SNX31: variants seen among roughly 807,000 people sequenced by gnomAD.
The protein encoded by SNX31 is sorting nexin 31.
A neutral mutation model predicts 65.4 loss-of-function variants in SNX31; 58 were observed. The ratio of observed to expected loss-of-function variants is 0.89; its 90% CI spans 0.72 to 1.10. SNX31 has a LOEUF of 1.10. Ranked by LOEUF, SNX31 falls within the 50% of genes least tolerant of loss-of-function variation. The pLI is 0.00. For synonymous variants in SNX31, 181 were observed against 190.1 expected (o/e 0.95, Z 0.39); for missense variants, 523 against 529.7 (o/e 0.99, Z 0.12).
upstream of SNX31, among the ~76,000 whole-genome samples, chr8:100,653,650 C>T (rs77304920): frequency 0.017 from 2,527 of 152,330 alleles, 59 homozygotes; most frequent in East Asian, 0.097. Context: ...TTCAGACTTC[C>T]AGCCTCCAGA....
chr8:100,653,672 A>G (rs1257897033), upstream of SNX31, among the ~76,000 whole-genome samples: 1 of 152,190 alleles, frequency 6.6e-6, no homozygotes, highest in Non-Finnish European at 1.5e-5. Flanking sequence ...CTATGAGAGA[A>G]TTCATTTCTG....
intron 9 of SNX31, among the ~76,000 whole-genome samples, chr8:100,599,229 T>C (rs754312560): frequency 5.9e-5 from 9 of 152,202 alleles, no homozygotes; most frequent in Non-Finnish European, 1.2e-4. Context: ...TCATAGAAGA[T>C]AAAATTTATT....
chr8:100,596,584 C>T, intron 10 of SNX31, 55 bp downstream of exon 10: 1 of 1,482,500 alleles, frequency 6.7e-7, no homozygotes, highest in East Asian at 2.3e-5. Flanking sequence ...ACTTTGTCAT[C>T]CAAGGGTACT....
At position 100,573,787 on chromosome 8, in the gene SNX31, G is replaced by A. The variant is rs1812804465; in HGVS notation, c.*78C>T. On this transcript the variant is annotated 3_prime_UTR_variant, in exon 14 of 14. Coordinates refer to ENST00000311812, the MANE Select transcript of SNX31 (RefSeq NM_152628.4). ...GTCAAATTTCCTCCACTGATGGTAG[G>A]TAGCCCACCTGAATCCCCAAGTTCT... 2.1e-6 allele frequency: 2 copies of A among 968,540 alleles called. No individual in the cohort carries two copies. Among genetic ancestry groups the A allele is most frequent in the Non-Finnish European group, 1.5e-6 (1 of 654,752 alleles). The allele number at this position is 968,540 out of a possible 1,614,324, so 60.0% of individuals were successfully genotyped here.
chr8:100,585,773 G>T (rs566169713), intron 11 of SNX31, among the ~76,000 whole-genome samples: 15 of 152,186 alleles, frequency 9.9e-5, no homozygotes, highest in Non-Finnish European at 2.1e-4. Context: ...GTTTAATAGG[G>T]TCCAATAAGA....
At chr8:100,650,646 T>C (rs932083435), upstream of SNX31, among the ~76,000 whole-genome samples, 3 of 152,160 alleles carry the variant, frequency 2.0e-5, no homozygotes, top group Admixed American at 6.5e-5. Flanking sequence ...ACATATGCTA[T>C]GCCATTTAAT....
intron 3 of SNX31, among the ~76,000 whole-genome samples, chr8:100,631,426 T>C (rs1818406321): frequency 6.7e-6 from 1 of 149,038 alleles, no homozygotes; most frequent in South Asian, 2.1e-4. Context: ...TCTGTTTTCA[T>C]TGCTGTTTTA....
At position 100,612,062 on chromosome 8, in the gene SNX31, T is replaced by C. The variant is rs745559874; in HGVS notation, c.549A>G (p.Glu183=). 1.2e-6 allele frequency: 2 copies of C among 1,613,654 alleles called. No individual in the cohort carries two copies. Among genetic ancestry groups the C allele is most frequent in the African/African-American group, 2.7e-5 (2 of 74,794 alleles). The change falls in exon 7 of 14, where the codon GAA becomes GAG. Residue 183 remains glutamate (E), a synonymous_variant. Coordinates refer to ENST00000311812, the MANE Select transcript of SNX31 (RefSeq NM_152628.4). This position sits in a 1 kb window ranked among gnomAD's most constrained non-coding sequence, Gnocchi z 4.3. Reference sequence around the variant, plus strand: ...AACTTCCAAGACTAACATAAGGGAGTTCAAAGTCAGCCAATTTTTTCACAA... The same window carrying C: ...AACTTCCAAGACTAACATAAGGGAGCTCAAAGTCAGCCAATTTTTTCACAA... ...LSVVKKLADF[E]LPYVSLGSSE...
rs541129667 is a variant in SNX31 at position 100,604,018 on chromosome 8, G to A, written c.682-3577C>T. On this transcript the variant is annotated intron_variant, in intron 8 of 13. Coordinates refer to ENST00000311812, the MANE Select transcript of SNX31 (RefSeq NM_152628.4). The surrounding 1 kb of genome is among the most constrained non-coding windows in gnomAD (Gnocchi z 4.3). ...CTCCCAAAGTGCTGGAATTACAGGC[G>A]TGAGCCACTGCGCCCAGCTTTATAT... is the stretch of plus-strand genomic sequence containing the variant. 1.4e-4 allele frequency among the ~76,000 whole-genome samples: 22 copies of A among 152,290 alleles called. No homozygotes were observed. The highest frequency in any genetic ancestry group is 2.8e-4 in the Non-Finnish European group (19 of 68,024).
rs35658911 is a variant in SNX31, at chr8:100,588,115, T to TAA, written c.1092+749_1092+750dup. Among the ~76,000 whole-genome samples, 67 of 150,840 alleles carry TAA rather than the reference T, an allele frequency of 4.4e-4. No individual in the cohort carries two copies. Among genetic ancestry groups the TAA allele is most frequent in the Non-Finnish European group, 6.2e-4 (42 of 67,632 alleles). On this transcript the variant is annotated intron_variant, in intron 11 of 13. Coordinates refer to ENST00000311812, the MANE Select transcript of SNX31 (RefSeq NM_152628.4). This position sits in a 1 kb window ranked among gnomAD's most constrained non-coding sequence, Gnocchi z 4.8. ...GTACTACAGGAAAAAGGTGAAACAT[T>TAA]AAAAAAAAACATAAAAAAGGTACAG...
Position 100,626,335 on chromosome 8 carries a change from A to C in SNX31, c.321+3992T>G, listed in dbSNP as rs1818040318. Reference sequence around the variant, plus strand: ...AATTGACCCAAGTCATATAAATCAAAAGTAGGGCAGCCAAAATTTGAACTG... The same window carrying C: ...AATTGACCCAAGTCATATAAATCAACAGTAGGGCAGCCAAAATTTGAACTG... On this transcript the variant is annotated intron_variant, in intron 4 of 13. Coordinates refer to ENST00000311812, the MANE Select transcript of SNX31 (RefSeq NM_152628.4). This position sits in a 1 kb window ranked among gnomAD's most constrained non-coding sequence, Gnocchi z 4.4. Among the ~76,000 whole-genome samples, 1 of 152,154 alleles carries C rather than the reference A, an allele frequency of 6.6e-6. No homozygotes were observed. Among genetic ancestry groups the C allele is most frequent in the Non-Finnish European group, 1.5e-5 (1 of 68,012 alleles).
chr8:100,642,346 C>CGTAAAT (rs146768503), intron 2 of SNX31, among the ~76,000 whole-genome samples: 12,748 of 152,218 alleles, frequency 0.084, 586 homozygotes, highest in Non-Finnish European at 0.097. Flanking sequence ...GGCATGTGTT[C>CGTAAAT]GTAAATGTCG....
At chr8:100,631,485 T>G (rs1442563135) in intron 3 of SNX31, among the ~76,000 whole-genome samples, 1 of 148,562 alleles carries the variant, frequency 6.7e-6, no homozygotes, top group Non-Finnish European at 1.5e-5. Context: ...TCACCCAGGC[T>G]GGGGTGCAAT....
chr8:100,579,918 G>C (rs1035877189), intron 12 of SNX31, among the ~76,000 whole-genome samples: 1 of 151,836 alleles, frequency 6.6e-6, no homozygotes, highest in Non-Finnish European at 1.5e-5. Flanking sequence ...TCAGCACTTC[G>C]GGAGGCCAAG....
chr8:100,624,002 G>T (rs555173154), intron 4 of SNX31, among the ~76,000 whole-genome samples: 43 of 152,100 alleles, frequency 2.8e-4, no homozygotes, highest in African/African-American at 7.7e-4. Flanking sequence ...CTCCAGTTGG[G>T]GGGGAGGTGG....
chr8:100,637,112 C>T (rs1818832139), intron 2 of SNX31, among the ~76,000 whole-genome samples: 1 of 152,172 alleles, frequency 6.6e-6, no homozygotes, highest in Non-Finnish European at 1.5e-5. Context: ...CCAGCCAGGC[C>T]CTTCTCTCCC....
chr8:100,602,046 C>G (rs62513874), intron 8 of SNX31, among the ~76,000 whole-genome samples: 1 of 152,158 alleles, frequency 6.6e-6, no homozygotes, highest in African/African-American at 2.4e-5. Flanking sequence ...CTTGTCATGA[C>G]GGGGCAGAAT....
chr8:100,580,174 A>C (rs1229402897), intron 12 of SNX31, among the ~76,000 whole-genome samples: 11 of 152,082 alleles, frequency 7.2e-5, no homozygotes, highest in Admixed American at 1.3e-4. Context: ...AAAAAAAAAA[A>C]AAACAGTCTT....
rs1359766422 is a variant in SNX31, at chr8:100,629,834, C to A, written c.321+493G>T. Among the ~76,000 whole-genome samples the A allele has an allele frequency of 6.6e-6, 1 of 152,210 alleles. No homozygotes were observed. The highest frequency in any genetic ancestry group is 1.5e-5 in the Non-Finnish European group (1 of 68,042). On this transcript the variant is annotated intron_variant, in intron 4 of 13. Coordinates refer to ENST00000311812, the MANE Select transcript of SNX31 (RefSeq NM_152628.4). This position sits in a 1 kb window ranked among gnomAD's most constrained non-coding sequence, Gnocchi z 5.1. ...GGGAGTTGCTGTATGTCATTCTGTT[C>A]ATGTTGAATTTTCTCCATGATTCAT... is the stretch of plus-strand genomic sequence containing the variant.
Sources: allele counts gnomAD v4.1 joint callset (sites outside exome capture counted in the v4.1 genomes callset), GRCh38; gene constraint gnomAD v4.1.1; non-coding constraint Gnocchi (gnomAD v3.1); transcripts MANE v1.5; gene names NCBI Gene and HGNC (gene_info 2026-07-23, HGNC 2026-07-21).